The following SOX5 variants were observed in gnomAD, a reference collection of about 807,000 sequenced individuals.
SOX5 encodes transcription factor SOX-5.
In SOX5, 9 loss-of-function variants were observed where a neutral mutation model predicts 92.0. The observed-to-expected ratio is 0.10, with a 90% CI of 0.06 to 0.17. The LOEUF is 0.17. Among genes scored for constraint, SOX5 ranks in the 10% least tolerant of loss-of-function variants. The pLI, the probability that SOX5 is intolerant of heterozygous loss-of-function variation, is 1.00. For missense variants in SOX5, 642 were observed against 944.5 expected (o/e 0.68, Z 4.20); for synonymous variants, 344 against 336.3 (o/e 1.02, Z -0.25).
intron 9 of SOX5, among the ~76,000 whole-genome samples, chr12:23,595,158 T>C (rs1952167980): frequency 6.6e-6 from 1 of 152,186 alleles, no homozygotes; most frequent in Non-Finnish European, 1.5e-5. Flanking sequence ...AGAAATAATA[T>C]TTGTTGAATC....
intron 4 of SOX5, among the ~76,000 whole-genome samples, chr12:23,991,651 A>G (rs1005114403): frequency 3.9e-5 from 6 of 152,018 alleles, no homozygotes; most frequent in Non-Finnish European, 7.4e-5. Context: ...AGGAGGTAGT[A>G]ATTTTAACTA....
chr12:23,731,171 C>T (rs931280009), intron 6 of SOX5, among the ~76,000 whole-genome samples: 1 of 152,190 alleles, frequency 6.6e-6, no homozygotes, highest in African/African-American at 2.4e-5. Flanking sequence ...TGCAGCTTCC[C>T]GGCTTCTGAG....
intron 4 of SOX5, among the ~76,000 whole-genome samples, chr12:24,046,506 C>T (rs1326448588): frequency 6.6e-6 from 1 of 151,996 alleles, no homozygotes; most frequent in African/African-American, 2.4e-5. Context: ...ATTAAATTGA[C>T]ATCATTATCA....
At chr12:23,642,804 T>C (rs1021980213) in intron 7 of SOX5, among the ~76,000 whole-genome samples, 2 of 147,340 alleles carry the variant, frequency 1.4e-5, no homozygotes, top group African/African-American at 4.9e-5. Flanking sequence ...AAGGTAATTA[T>C]GGGCCGGGCG....
chr12:23,540,849 G>A (rs1179568805), intron 13 of SOX5, among the ~76,000 whole-genome samples: 3 of 152,146 alleles, frequency 2.0e-5, no homozygotes, highest in East Asian at 1.9e-4. Context: ...ATGAATTAGC[G>A]GCATGCTGTC....
chr12:24,368,472 T>A (rs1956385235), intron 2 of SOX5: 1 of 152,226 alleles, frequency 6.6e-6, no homozygotes, highest in Non-Finnish European at 1.5e-5. Context: ...TTGCAAAATT[T>A]ATTTGCCAAA....
chr12:24,097,186 G>T (rs1216634046), intron 4 of SOX5, among the ~76,000 whole-genome samples: 2 of 152,082 alleles, frequency 1.3e-5, no homozygotes. Flanking sequence ...CGTATTTGGA[G>T]AAATGTTTAT....
chr12:23,950,926 G>C, upstream of SOX5: 1 of 1,515,938 alleles, frequency 6.6e-7, no homozygotes, highest in Non-Finnish European at 8.9e-7. Context: ...TGGTCAGGGA[G>C]TAAGCACACA....
chr12:23,925,452 C>T (rs1939690938), intron 1 of SOX5, among the ~76,000 whole-genome samples: 2 of 151,978 alleles, frequency 1.3e-5, no homozygotes, highest in Non-Finnish European at 2.9e-5. Context: ...ACTTCACAGG[C>T]AATTTCAGAA....
intron 2 of SOX5, among the ~76,000 whole-genome samples, chr12:24,338,773 C>G (rs1952208816): frequency 6.6e-6 from 1 of 152,076 alleles, no homozygotes; most frequent in African/African-American, 2.4e-5. Flanking sequence ...AAGGGCAGTT[C>G]CCCTGTACAC....
intron 6 of SOX5, among the ~76,000 whole-genome samples, chr12:23,688,884 T>C (rs912941876): frequency 4.6e-5 from 7 of 152,134 alleles, no homozygotes; most frequent in African/African-American, 1.7e-4. Context: ...TCAATAAATG[T>C]CTGCTGAATG....
At chr12:24,452,627 G>C (rs1942471712) in intron 1 of SOX5, among the ~76,000 whole-genome samples, 1 of 152,140 alleles carries the variant, frequency 6.6e-6, no homozygotes, top group Admixed American at 6.5e-5. Context: ...TATATCTCCA[G>C]GTTCAATGTT....
At chr12:24,435,764 T>A (rs1939298871) in intron 1 of SOX5, among the ~76,000 whole-genome samples, 1 of 152,180 alleles carries the variant, frequency 6.6e-6, no homozygotes, top group Admixed American at 6.5e-5. Flanking sequence ...TGTGGTTTGT[T>A]TTTTTGTTTT....
At chr12:24,379,408 C>T (rs959749321) in intron 1 of SOX5, among the ~76,000 whole-genome samples, 5 of 152,100 alleles carry the variant, frequency 3.3e-5, no homozygotes, top group African/African-American at 4.8e-5. Flanking sequence ...GACAGTATGA[C>T]GGATAGCATG....
chr12:24,045,771 T>C (rs1334224209), intron 4 of SOX5, among the ~76,000 whole-genome samples: 1 of 152,218 alleles, frequency 6.6e-6, no homozygotes, highest in Non-Finnish European at 1.5e-5. Flanking sequence ...TATAAAATTA[T>C]CCCTCTGTAC....
chr12:23,934,909 G>A (rs1400594473), intron 1 of SOX5, among the ~76,000 whole-genome samples: 1 of 151,284 alleles, frequency 6.6e-6, no homozygotes, highest in Non-Finnish European at 1.5e-5. Context: ...TAAAATAAAT[G>A]TAAGCAGTCT....
At chr12:23,909,852 A>T (rs1183805293) in intron 1 of SOX5, among the ~76,000 whole-genome samples, 1 of 151,364 alleles carries the variant, frequency 6.6e-6, no homozygotes, top group Non-Finnish European at 1.5e-5. Flanking sequence ...TCCACTACCC[A>T]AACACCCCCA....
At chr12:24,438,406 T>G (rs781777585) in intron 1 of SOX5, among the ~76,000 whole-genome samples, 28 of 152,282 alleles carry the variant, frequency 1.8e-4, no homozygotes, top group Non-Finnish European at 3.5e-4. Flanking sequence ...ATTCTGTACA[T>G]GTACCCCAGG....
At chr12:24,013,242 C>A (rs1953167789) in intron 4 of SOX5, among the ~76,000 whole-genome samples, 1 of 152,056 alleles carries the variant, frequency 6.6e-6, no homozygotes, top group Non-Finnish European at 1.5e-5. Context: ...CATTAGAGCT[C>A]CAATACTTTC....
Sources: gnomAD v4.1 joint callset for allele counts (sites outside exome capture counted in the v4.1 genomes callset) on GRCh38, gnomAD v4.1.1 for gene constraint, MANE v1.5 for transcripts, NCBI Gene and HGNC (gene_info 2026-07-23, HGNC 2026-07-21) for gene names.